Variants in PCDHA4 observed in about 807,000 individuals in gnomAD.
The protein encoded by PCDHA4 is protocadherin alpha 4, also known as protocadherin alpha-4.
Under a neutral mutation model 61.4 loss-of-function variants are expected in PCDHA4, and 49 were observed. The ratio of observed to expected loss-of-function variants is 0.80; its 90% confidence interval spans 0.63 to 1.01. PCDHA4 has a LOEUF of 1.01. Ranked by LOEUF, PCDHA4 falls within the 50% of genes least tolerant of loss-of-function variation. The pLI is 0.00. For missense variants in PCDHA4, 1,254 were observed against 1,235.8 expected, an observed-to-expected ratio of 1.01 and a Z score of -0.22; for synonymous variants, 590 against 550.3, an observed-to-expected ratio of 1.07 and a Z score of -1.01.
chr5:140,859,086 G>A (rs1474947917), intron 1 of PCDHA4: 3 of 150,424 alleles, frequency 2.0e-5, no homozygotes, highest in Non-Finnish European at 3.0e-5. Flanking sequence ...CTGTGTCAGT[G>A]TGTATTATTC....
chr5:140,917,942 A>G (rs781844380), intron 1 of PCDHA4, among the ~76,000 whole-genome samples: 5 of 152,048 alleles, frequency 3.3e-5, no homozygotes, highest in African/African-American at 4.8e-5. Flanking sequence ...TAATATTGGT[A>G]GTTTGATAGG....
At chr5:140,857,095 G>T (rs1253933979) in intron 1 of PCDHA4, 2 of 1,597,378 alleles carry the variant, frequency 1.3e-6, no homozygotes, top group Admixed American at 1.7e-5. Context: ...CACCTGAGGT[G>T]ATTGTCACTT....
chr5:140,986,950 A>G (rs1161887732), intron 3 of PCDHA4, among the ~76,000 whole-genome samples: 1 of 152,282 alleles, frequency 6.6e-6, no homozygotes, highest in East Asian at 1.9e-4. Context: ...GTGGTCGCTC[A>G]TGCCTGTAAT....
intron 1 of PCDHA4, chr5:140,869,798 T>G: frequency 6.2e-7 from 1 of 1,612,730 alleles, no homozygotes; most frequent in Non-Finnish European, 8.5e-7. Context: ...TTAGTCCAAG[T>G]CTTGGATGTC....
At chr5:140,930,258 ATTTCT>A (rs1398620749) in intron 1 of PCDHA4, 6 of 152,342 alleles carry the variant, frequency 3.9e-5, no homozygotes, top group African/African-American at 1.4e-4. Flanking sequence ...CTTGGATTTA[ATTTCT>A]TTTATTTTAG....
rs151198566 is a variant in PCDHA4 at position 140,817,886 on chromosome 5, C to A, written c.2385+8314C>A. Reference sequence around the variant, plus strand: ...GGGTATTGAATGAAAGTTATTTTTGCCAGCACTTTTAAGATGACATTCCAT... The same window carrying A: ...GGGTATTGAATGAAAGTTATTTTTGACAGCACTTTTAAGATGACATTCCAT... On this transcript the variant is annotated intron_variant, in intron 1 of 3. Coordinates refer to ENST00000530339, the MANE Select transcript of PCDHA4 (RefSeq NM_018907.4). Among the ~76,000 whole-genome samples, 142 of 152,234 alleles carry A rather than the reference C, an allele frequency of 9.3e-4. 1 individual carries two copies. The highest frequency in any genetic ancestry group is 3.3e-3 in the African/African-American group (137 of 41,540).
intron 1 of PCDHA4, chr5:140,876,669 C>T: frequency 6.2e-7 from 1 of 1,614,186 alleles, no homozygotes; most frequent in Non-Finnish European, 8.5e-7. Context: ...AGCTGGTGTC[C>T]ACCTACAAGA....
At chr5:140,974,165 G>A (rs1298109600) in intron 1 of PCDHA4, among the ~76,000 whole-genome samples, 1 of 152,164 alleles carries the variant, frequency 6.6e-6, no homozygotes, top group Admixed American at 6.5e-5. Flanking sequence ...TTTCTTTCAA[G>A]AATTTTAACT....
chr5:140,807,771 T>C lies in PCDHA4; in HGVS notation c.584T>C (p.Ile195Thr), dbSNP rs782033818. 6.2e-6 allele frequency: 10 copies of C among 1,614,170 alleles called. No individual in the cohort carries two copies. The South Asian group carries it at 9.9e-5, about 16-fold the overall frequency. The change falls in exon 1 of 4, where the codon ATA becomes ACA. Residue 195 changes from isoleucine (I) to threonine (T), a missense_variant. Coordinates refer to ENST00000530339, the MANE Select transcript of PCDHA4 (RefSeq NM_018907.4). Reference protein sequence around the residue: ...DDELVKGLGLILRKSLDREEA... With the variant: ...DDELVKGLGLTLRKSLDREEA... ...GAGCTGGTAAAAGGTCTTGGGCTTA[T>C]ATTACGGAAATCTTTAGACAGAGAA...
At chr5:140,976,515 C>T (rs1285704969) in intron 1 of PCDHA4, among the ~76,000 whole-genome samples, 1 of 152,016 alleles carries the variant, frequency 6.6e-6, no homozygotes, top group Non-Finnish European at 1.5e-5. Flanking sequence ...CGCGCCACTG[C>T]ACACCAGCCT....
intron 1 of PCDHA4, among the ~76,000 whole-genome samples, chr5:140,946,597 T>A (rs952488909): frequency 1.5e-5 from 2 of 137,412 alleles, no homozygotes; most frequent in Admixed American, 7.5e-5. Context: ...GATGAATAGA[T>A]AAAGAAAATG....
intron 1 of PCDHA4, chr5:140,842,438 A>G (rs1777945140): frequency 6.2e-7 from 1 of 1,613,768 alleles, no homozygotes; most frequent in Non-Finnish European, 8.5e-7. Flanking sequence ...CGCCCTAATT[A>G]GCGTGAACGA....
At position 140,808,701 on chromosome 5, in the gene PCDHA4, C is replaced by G. The variant is rs1764239341; in HGVS notation, c.1514C>G (p.Ser505Trp). The stretch of plus-strand genomic sequence containing the variant: ...CGGCGGGTAGGGGAGCGCGCGCTGT[C>G]GAGCTACGTTTCGGTGCATGCGGAG... The part of the protein sequence containing the change: ...VERRVGERAL[S>W]SYVSVHAESG... Residue 505 changes from serine to tryptophan, a missense_variant, in exon 1 of 4, where the codon TCG becomes TGG. Coordinates refer to ENST00000530339, the MANE Select transcript of PCDHA4 (RefSeq NM_018907.4). The G allele has an allele frequency of 5.6e-6, 9 of 1,612,090 alleles. No homozygotes were observed. The highest frequency in any genetic ancestry group is 4.4e-5 in the South Asian group (4 of 91,014).
chr5:140,869,654 C>T, intron 1 of PCDHA4: 1 of 1,613,446 alleles, frequency 6.2e-7, no homozygotes, highest in Non-Finnish European at 8.5e-7. Flanking sequence ...GATTCACCAA[C>T]AAATGGTAAG....
At chr5:140,974,827 G>T (rs1356890991) in intron 1 of PCDHA4, among the ~76,000 whole-genome samples, 1 of 152,182 alleles carries the variant, frequency 6.6e-6, no homozygotes. Context: ...GCAACATAAT[G>T]ATTATTTTAA....
chr5:140,941,820 C>T (rs2093176252), intron 1 of PCDHA4, among the ~76,000 whole-genome samples: 1 of 152,160 alleles, frequency 6.6e-6, no homozygotes, highest in Non-Finnish European at 1.5e-5. Flanking sequence ...AGGATGACTG[C>T]TGTAAATAAT....
Position 140,940,419 on chromosome 5 carries a change from A to G in PCDHA4, c.2386-38530A>G, listed in dbSNP as rs890018340. Among the ~76,000 whole-genome samples, 3 of 152,002 alleles carry G rather than the reference A, an allele frequency of 2.0e-5. No homozygotes were observed. The East Asian group carries it at 5.8e-4, about 29-fold the overall frequency. ...GTTTTTCATTTTAAAAATTATAATT[A>G]TTACTGATCAAGTCTGCCATGATAT... On this transcript the variant is annotated intron_variant, in intron 1 of 3. Transcript: ENST00000530339.
intron 3 of PCDHA4, among the ~76,000 whole-genome samples, chr5:140,996,441 C>G (rs2097726719): frequency 6.6e-6 from 1 of 152,146 alleles, no homozygotes; most frequent in Non-Finnish European, 1.5e-5. Context: ...TAGTCAGTGT[C>G]AAGTTGTGGT....
intron 3 of PCDHA4, among the ~76,000 whole-genome samples, chr5:141,005,570 C>T (rs2098221993): frequency 6.6e-6 from 1 of 151,052 alleles, no homozygotes; most frequent in African/African-American, 2.4e-5. Context: ...GGCATGGTGG[C>T]GCGTGCCTGT....
Sources: gnomAD v4.1 joint callset for allele counts (sites outside exome capture counted in the v4.1 genomes callset) on GRCh38, gnomAD v4.1.1 for gene constraint, MANE v1.5 for transcripts, NCBI Gene and HGNC (gene_info 2026-07-23, HGNC 2026-07-21) for gene names.